TLE1: variants seen among roughly 807,000 people sequenced by gnomAD.
TLE1 encodes TLE family member 1, transcriptional corepressor.
In TLE1, 21 loss-of-function variants were observed where a neutral mutation model predicts 89.8. The observed-to-expected ratio is 0.23, with a 90% CI of 0.17 to 0.34. The LOEUF (loss-of-function observed/expected upper bound fraction) is 0.34, where lower values mean the gene tolerates loss of function less well. Among genes scored for constraint, TLE1 ranks in the 10% least tolerant of loss-of-function variants. TLE1 has a pLI of 1.00. For missense variants in TLE1, 795 were observed against 1,031.2 expected (o/e 0.77, Z 3.14); for synonymous variants, 447 against 407.6 (o/e 1.10, Z -1.16).
intron 4 of TLE1, among the ~76,000 whole-genome samples, chr9:81,683,192 T>C (rs991965503): frequency 6.6e-6 from 1 of 150,968 alleles, no homozygotes; most frequent in Non-Finnish European, 1.5e-5. Context: ...GCATTAAAGC[T>C]CTCTGTACGG....
intron 4 of TLE1, among the ~76,000 whole-genome samples, chr9:81,684,615 C>A (rs1446472397): frequency 6.6e-6 from 1 of 152,212 alleles, no homozygotes; most frequent in Non-Finnish European, 1.5e-5. Context: ...TGTGCCCCAG[C>A]CGGTCAGCCA....
intron 14 of TLE1, among the ~76,000 whole-genome samples, chr9:81,608,325 A>C (rs1823246479): frequency 6.6e-6 from 1 of 152,196 alleles, no homozygotes; most frequent in African/African-American, 2.4e-5. Flanking sequence ...AGCCTGGGCA[A>C]CATAGGGAGA....
chr9:81,687,433 G>C lies in TLE1; in HGVS notation c.26C>G (p.Thr9Arg). MFPQSRHP[T>R]PHQAAGQPFK... ...GGGCTGGCCTGCAGCCTGGTGCGGC[G>C]TCTGGGGGCGACCAGCGAGGGGGAC... The change falls in exon 2 of 20, where the codon ACG (threonine) becomes AGG (arginine). Residue 9 changes from threonine to arginine, a missense_variant and splice_region_variant. Physicochemically the swap from Thr to Arg is moderately conservative, Grantham distance 71. Transcript: ENST00000376499. The C allele has an allele frequency of 6.2e-7, 1 of 1,608,228 alleles. No homozygotes were observed. The highest frequency in any genetic ancestry group is 8.5e-7 in the Non-Finnish European group (1 of 1,177,766).
Position 81,597,023 on chromosome 9 carries a change from T to C in TLE1, c.1332-3749A>G, listed in dbSNP as rs141533251. ...AGATTAGGTCCACAGGCAAATCAAG[T>C]GCCCAAACTTTGCTGTTAAATGAAC... On this transcript the variant is annotated intron_variant, in intron 14 of 19. Coordinates refer to ENST00000376499, the MANE Select transcript of TLE1 (RefSeq NM_005077.5). Among the ~76,000 whole-genome samples, 1,131 of 152,320 alleles carry C rather than the reference T, an allele frequency of 7.4e-3. 13 individuals carry two copies. Among genetic ancestry groups the C allele is most frequent in the African/African-American group, 0.025 (1,037 of 41,576 alleles).
Position 81,637,648 on chromosome 9 carries a change from T to TTC in TLE1, c.373-3348_373-3347insGA, listed in dbSNP as rs1253054210. Among the ~76,000 whole-genome samples, 380 of 150,992 alleles carry TTC rather than the reference T, an allele frequency of 2.5e-3. 3 individuals are homozygous for TTC. Among genetic ancestry groups the TTC allele is most frequent in the African/African-American group, 8.8e-3 (363 of 41,206 alleles). The stretch of plus-strand genomic sequence containing the variant: ...GCTTGGCTACAATGAAAGTTTCTTT[T>TTC]TTTTTTTTTTTTTTAAGCAAAATCC... On this transcript the variant is annotated intron_variant, in intron 6 of 19. Transcript: ENST00000376499.
intron 4 of TLE1, among the ~76,000 whole-genome samples, chr9:81,684,232 C>T (rs2133156071): frequency 6.7e-6 from 1 of 149,642 alleles, no homozygotes; most frequent in South Asian, 2.2e-4. Context: ...AGCCACAGAT[C>T]TTCTAGCCCA....
chr9:81,661,758 C>T (rs932657415), intron 4 of TLE1, among the ~76,000 whole-genome samples: 5 of 151,402 alleles, frequency 3.3e-5, no homozygotes, highest in Admixed American at 2.0e-4. Context: ...ACCTTAAATC[C>T]CCCCCCCAAA....
chr9:81,687,822 A>G, intron 1 of TLE1, among the ~76,000 whole-genome samples: 1 of 152,040 alleles, frequency 6.6e-6, no homozygotes, highest in East Asian at 2.0e-4. Flanking sequence ...TACGCTCCCC[A>G]TTCCCAGAGT....
chr9:81,622,726 C>T (rs1473492031), intron 8 of TLE1, among the ~76,000 whole-genome samples: 4 of 152,148 alleles, frequency 2.6e-5, no homozygotes, highest in Non-Finnish European at 4.4e-5. Context: ...AGCACCCCTG[C>T]TTATCTGAAA....
chr9:81,584,018 G>A lies in TLE1; in HGVS notation c.*180C>T. ...TGCTCCATTTGGTCTATGTAGACAGGTGACTTTCTGCTGATGGACTTGTCG... is the reference window on the plus strand; with the variant it reads ...TGCTCCATTTGGTCTATGTAGACAGATGACTTTCTGCTGATGGACTTGTCG... On this transcript the variant is annotated 3_prime_UTR_variant, in exon 20 of 20. Transcript: ENST00000376499. The A allele has an allele frequency of 1.6e-6, 1 of 612,738 alleles. No individual in the cohort carries two copies. The highest frequency in any genetic ancestry group is 2.8e-5 in the East Asian group (1 of 35,974). The allele number at this position is 612,738 out of a possible 1,614,324, so 38.0% of individuals were successfully genotyped here.
At chr9:81,674,775 G>C (rs948800439) in intron 4 of TLE1, among the ~76,000 whole-genome samples, 11 of 152,138 alleles carry the variant, frequency 7.2e-5, no homozygotes, top group Non-Finnish European at 1.0e-4. Flanking sequence ...TGTAATGGTG[G>C]ATCACCTAAT....
At chr9:81,682,285 G>C (rs1380560332) in intron 4 of TLE1, among the ~76,000 whole-genome samples, 1 of 150,446 alleles carries the variant, frequency 6.6e-6, no homozygotes, top group Non-Finnish European at 1.5e-5. Flanking sequence ...CAGCAGCACA[G>C]ACAACCCTGG....
chr9:81,587,910 G>GTGTGTGTGTGTGTGTGTGTCATCCCGCC (rs1554716609), intron 16 of TLE1, 82 bp from the exon 17 acceptor site: 9,431 of 791,608 alleles, frequency 0.012, 335 homozygotes, highest in African/African-American at 0.025. Context: ...TTTGGACCGT[G>GTGTGTGTGTGTGTGTGTGTCATCCCGCC]TGTGTGTGTG....
rs111635993 is a variant in TLE1 at position 81,628,975 on chromosome 9, G to A, written c.594+4373C>T. On this transcript the variant is annotated intron_variant, in intron 8 of 19. Transcript: ENST00000376499. ...ATGCCACTGCGTAGGTCTATACACC[G>A]TCTGCTCTGGAGTCTCCTCCAGAGT... 4.5e-3 allele frequency among the ~76,000 whole-genome samples: 689 copies of A among 152,238 alleles called. 2 individuals carry two copies. The highest frequency in any genetic ancestry group is 0.015 in the African/African-American group (630 of 41,542).
Position 81,585,586 on chromosome 9 carries a change from C to T in TLE1, c.2047G>A (p.Val683Met), listed in dbSNP as rs756035939. The change falls in exon 18 of 20, where the codon GTG (valine) becomes ATG (methionine). Residue 683 changes from valine (V) to methionine (M), a missense_variant. Val to Met is a conservative substitution (Grantham distance 21). This residue lies in a region of TLE1 where 214 missense variants were observed against 354.9 expected (regional missense o/e 0.60). Coordinates refer to ENST00000376499, the MANE Select transcript of TLE1 (RefSeq NM_005077.5). ...TTGTCAGGCTTGTTCACGTGCAGCA[C>T]CTCCACATTGCTGCTCTCCATGCCC... is the stretch of plus-strand genomic sequence containing the variant. ...AVGMESSNVE[V>M]LHVNKPDKYQ... is the part of the protein sequence containing the mutation. 1.9e-6 allele frequency: 3 copies of T among 1,614,150 alleles called. No homozygotes were observed. Among genetic ancestry groups the T allele is most frequent in the Non-Finnish European group, 2.5e-6 (3 of 1,180,012 alleles).
rs1361238458 is a variant in TLE1 at position 81,593,137 on chromosome 9, A to G, written c.1469T>C (p.Val490Ala). Reference sequence around the variant, plus strand: ...GTGTCTCGTGGGGTTGCTGATGGTCACAGCGCACACCACCTCCCCGTGGTT... The same window carrying G: ...GTGTCTCGTGGGGTTGCTGATGGTCGCAGCGCACACCACCTCCCCGTGGTT... ...TLNHGEVVCA[V>A]TISNPTRHVY... The change falls in exon 15 of 20, where the codon GTG becomes GCG. Residue 490 changes from valine to alanine, a missense_variant. Physicochemically the swap from Val to Ala is moderately conservative, Grantham distance 64. Transcript: ENST00000376499. The G allele has an allele frequency of 6.2e-7, 1 of 1,614,162 alleles. No homozygotes were observed. Among genetic ancestry groups the G allele is most frequent in the African/African-American group, 1.3e-5 (1 of 75,036 alleles).
chr9:81,682,580 A>G (rs1833766614), intron 4 of TLE1, among the ~76,000 whole-genome samples: 1 of 152,246 alleles, frequency 6.6e-6, no homozygotes, highest in Non-Finnish European at 1.5e-5. Context: ...TCTTGTTCCC[A>G]AAAATATCAA....
intron 4 of TLE1, among the ~76,000 whole-genome samples, chr9:81,656,729 A>G (rs2132690182): frequency 6.6e-6 from 1 of 152,344 alleles, no homozygotes; most frequent in African/African-American, 2.4e-5. Flanking sequence ...CAGATTAACA[A>G]GTACCTTGAA....
chr9:81,688,267 T>G lies in TLE1; in HGVS notation c.-27A>C, dbSNP rs1037894459. On this transcript the variant is annotated 5_prime_UTR_variant, in exon 1 of 20. Coordinates refer to ENST00000376499, the MANE Select transcript of TLE1 (RefSeq NM_005077.5). ...GCTCTGGCGGCGGCCGGGGCTCTGTTCCCCGGCAACTCAATTCTCCGGTCA... is the reference window on the plus strand; with the variant it reads ...GCTCTGGCGGCGGCCGGGGCTCTGTGCCCCGGCAACTCAATTCTCCGGTCA... The G allele has an allele frequency of 1.3e-6, 2 of 1,559,814 alleles. No homozygotes were observed. The highest frequency in any genetic ancestry group is 1.7e-6 in the Non-Finnish European group (2 of 1,157,554).
Sources: allele counts gnomAD v4.1 joint callset (sites outside exome capture counted in the v4.1 genomes callset), GRCh38; gene constraint gnomAD v4.1.1; regional missense constraint gnomAD v4.1.1; transcripts MANE v1.5; gene names NCBI Gene and HGNC (gene_info 2026-07-23, HGNC 2026-07-21).